Variants in KLF12 observed in about 807,000 individuals in gnomAD.
KLF12 encodes KLF transcription factor 12.
KLF12 carries 9 observed loss-of-function variants against 37.8 expected under a neutral mutation model. That is an observed-to-expected ratio of 0.24 (90% CI 0.14 to 0.42). The LOEUF (loss-of-function observed/expected upper bound fraction) is 0.42, where lower values mean the gene tolerates loss of function less well. Ranked by LOEUF, KLF12 falls within the 10% of genes least tolerant of loss-of-function variation. The pLI, the probability that KLF12 is intolerant of heterozygous loss-of-function variation, is 1.00. For synonymous variants in KLF12, 208 were observed against 202.1 expected (o/e 1.03, Z -0.25); for missense variants, 411 against 516.0 (o/e 0.80, Z 1.97).
chr13:74,098,642 A>G (rs760454670), intron 1 of KLF12, among the ~76,000 whole-genome samples: 9 of 152,220 alleles, frequency 5.9e-5, no homozygotes, highest in Non-Finnish European at 1.3e-4. Context: ...AACCTCATAG[A>G]TGGGTTTTCC....
the KLF12 span, among the ~76,000 whole-genome samples, chr13:74,217,544 T>G: frequency 2.0e-5 from 3 of 152,006 alleles, no homozygotes; most frequent in Admixed American, 1.3e-4. Context: ...CTGGCCAACA[T>G]GGTGAAAGCC....
the KLF12 span, among the ~76,000 whole-genome samples, chr13:74,168,075 C>A: frequency 1.3e-5 from 2 of 152,210 alleles, no homozygotes; most frequent in African/African-American, 4.8e-5. Flanking sequence ...GTGCATCTTT[C>A]ATTTCCTATA....
chr13:74,275,379 A>G, the KLF12 span, among the ~76,000 whole-genome samples: 3 of 152,214 alleles, frequency 2.0e-5, no homozygotes, highest in Non-Finnish European at 4.4e-5. Context: ...TTTCATCTTA[A>G]CAGAACAATT....
rs553931911 is a variant in KLF12 at position 73,823,390 on chromosome 13, T to C, written c.671-10103A>G. Among the ~76,000 whole-genome samples the C allele has an allele frequency of 7.9e-5, 12 of 152,286 alleles. No individual in the cohort carries two copies. The East Asian group carries it at 2.3e-3, about 29-fold the overall frequency. On this transcript the variant is annotated intron_variant, in intron 4 of 7. Transcript: ENST00000377669. ...TACCACAGAAGGGTTCTCTGCTAGT[T>C]TCAAAGTTGAAAAGTTAAAAAAGCA...
intron 1 of KLF12, among the ~76,000 whole-genome samples, chr13:74,120,799 G>A (rs921377407): frequency 6.6e-6 from 1 of 152,024 alleles, no homozygotes; most frequent in Non-Finnish European, 1.5e-5. Context: ...ATACAGTAAG[G>A]TAAAGTATTA....
At chr13:74,246,207 G>A in the KLF12 span, among the ~76,000 whole-genome samples, 1 of 152,158 alleles carries the variant, frequency 6.6e-6, no homozygotes, top group African/African-American at 2.4e-5. Context: ...GTTTTAAATG[G>A]ATGACGCACT....
the KLF12 span, among the ~76,000 whole-genome samples, chr13:74,237,237 A>C: frequency 1.5e-5 from 2 of 130,144 alleles, no homozygotes; most frequent in East Asian, 4.0e-4. Context: ...GGTTTGTCAA[A>C]GATCAGATAG....
intron 5 of KLF12, among the ~76,000 whole-genome samples, chr13:73,783,626 AT>A (rs1290233926): frequency 2.6e-5 from 4 of 152,160 alleles, no homozygotes; most frequent in African/African-American, 9.7e-5. Flanking sequence ...GAATTAAAAA[AT>A]TTTTAAAGCA....
intron 6 of KLF12, among the ~76,000 whole-genome samples, chr13:73,733,076 G>A (rs1216678079): frequency 6.6e-6 from 1 of 152,030 alleles, no homozygotes; most frequent in Non-Finnish European, 1.5e-5. Context: ...CCTGCTATAG[G>A]ATCTAACTGG....
intron 1 of KLF12, among the ~76,000 whole-genome samples, chr13:74,092,637 A>G (rs1164780495): frequency 6.7e-6 from 1 of 150,356 alleles, no homozygotes; most frequent in Non-Finnish European, 1.5e-5. Flanking sequence ...AAAAAAACAA[A>G]AAACAAAAAA....
chr13:73,815,024 A>T (rs1441129283), intron 4 of KLF12, among the ~76,000 whole-genome samples: 1 of 150,024 alleles, frequency 6.7e-6, no homozygotes, highest in Non-Finnish European at 1.5e-5. Context: ...CAGATTATCC[A>T]TATTTTCTGG....
At chr13:74,235,895 C>A in the KLF12 span, among the ~76,000 whole-genome samples, 3 of 150,988 alleles carry the variant, frequency 2.0e-5, no homozygotes, top group Non-Finnish European at 4.4e-5. Flanking sequence ...TCTCAGGTAC[C>A]GAATTTTTAT....
intron 7 of KLF12, among the ~76,000 whole-genome samples, chr13:73,711,072 C>G (rs925653015): frequency 6.6e-6 from 1 of 152,164 alleles, no homozygotes; most frequent in Admixed American, 6.5e-5. Flanking sequence ...AAAGCTAAAG[C>G]CTAATCCAGA....
intron 1 of KLF12, among the ~76,000 whole-genome samples, chr13:74,017,793 G>T (rs942209032): frequency 1.6e-4 from 24 of 152,038 alleles, no homozygotes; most frequent in Non-Finnish European, 1.3e-4. Context: ...TGGCCAAGCT[G>T]CAGTGAAAGG....
At chr13:74,213,898 T>C in the KLF12 span, among the ~76,000 whole-genome samples, 3 of 152,180 alleles carry the variant, frequency 2.0e-5, no homozygotes, top group African/African-American at 7.2e-5. Context: ...ACTATGTATT[T>C]CTCTCTTATC....
At chr13:74,232,131 A>G in the KLF12 span, among the ~76,000 whole-genome samples, 1 of 152,182 alleles carries the variant, frequency 6.6e-6, no homozygotes, top group South Asian at 2.1e-4. Flanking sequence ...TCTTGCTGGC[A>G]GAGGAAGAGG....
At chr13:74,136,477 A>G (rs567058157), upstream of KLF12, among the ~76,000 whole-genome samples, 14 of 152,294 alleles carry the variant, frequency 9.2e-5, no homozygotes, top group African/African-American at 3.1e-4. Context: ...GCAGGGAGTG[A>G]AGGAAGGGAG....
intron 2 of KLF12, among the ~76,000 whole-genome samples, chr13:73,958,174 C>T (rs1330490890): frequency 1.3e-5 from 2 of 152,032 alleles, no homozygotes; most frequent in Non-Finnish European, 2.9e-5. Context: ...TAGAATTTAG[C>T]ATGTCTCATA....
the KLF12 span, among the ~76,000 whole-genome samples, chr13:74,144,055 A>C: frequency 2.6e-5 from 4 of 152,194 alleles, no homozygotes; most frequent in East Asian, 3.8e-4. Flanking sequence ...CTTCCACTAA[A>C]GTAGGAGTTC....
Sources: allele counts gnomAD v4.1 joint callset (sites outside exome capture counted in the v4.1 genomes callset), GRCh38; gene constraint gnomAD v4.1.1; transcripts MANE v1.5; gene names NCBI Gene and HGNC (gene_info 2026-07-23, HGNC 2026-07-21).